The following CDH23 variants were observed in gnomAD, a reference collection of about 807,000 sequenced individuals.
CDH23 encodes cadherin related 23, also known as cadherin-23.
CDH23 carries 189 observed loss-of-function variants against 317.1 expected under a neutral mutation model. That is an observed-to-expected ratio of 0.60 (90% CI 0.53 to 0.67). CDH23 has a LOEUF of 0.67. Among genes scored for constraint, CDH23 ranks in the 30% least tolerant of loss-of-function variants. CDH23 has a pLI of 0.00. For missense variants in CDH23, 4,401 were observed against 4,592.4 expected, an observed-to-expected ratio of 0.96 and a Z score of 1.20; for synonymous variants, 1,839 against 1,876.8, an observed-to-expected ratio of 0.98 and a Z score of 0.52.
rs1589440938 is a variant in CDH23, at chr10:71,813,834, G to A, written c.9738+486G>A. On this transcript the variant is annotated intron_variant, in intron 69 of 69. Transcript: ENST00000224721. ...GAGGCAGGAGAATTGCTGGAACCCA[G>A]GAGGCGGAGGTTGAAGTGAACCAAG... Among the ~76,000 whole-genome samples, 3 of 152,168 alleles carry A rather than the reference G, an allele frequency of 2.0e-5. No individual in the cohort carries two copies. The South Asian group carries it at 6.2e-4, about 32-fold the overall frequency.
chr10:71,804,987 TATTA>T (rs553406156), intron 55 of CDH23, among the ~76,000 whole-genome samples: 28 of 152,348 alleles, frequency 1.8e-4, no homozygotes, highest in African/African-American at 6.3e-4. Flanking sequence ...AATCAGCATG[TATTA>T]ATTATCTATA....
rs199690992 is a variant in CDH23, at chr10:71,718,827, G to T, written c.3370-5218G>T. On this transcript the variant is annotated intron_variant, in intron 28 of 69. Coordinates refer to ENST00000224721, the MANE Select transcript of CDH23 (RefSeq NM_022124.6). The stretch of plus-strand genomic sequence containing the variant: ...CTCACCTGTAATCCCAGCACTTTGG[G>T]AGGCCAAGGCAGGAGGATCACTTGA... Among the ~76,000 whole-genome samples the T allele has an allele frequency of 1.4e-4, 21 of 152,240 alleles. No homozygotes were observed. In the East Asian group the frequency reaches 4.1e-3, roughly 29 times the overall value.
In CDH23 at chr10:71,677,638, A is replaced by C. The variant is rs1033089409; in HGVS notation, c.1697A>C (p.Tyr566Ser). Residue 566 changes from tyrosine to serine, a missense_variant, in exon 16 of 70, where the codon TAC (tyrosine) becomes TCC (serine). Transcript: ENST00000224721. ...DNVPTFQKDA[Y>S]VGALRENEPS... ...GTGCCCACCTTCCAGAAGGATGCCTACGTGGGTGCTCTGCGGGAGAACGAG... is the reference window on the plus strand; with the variant it reads ...GTGCCCACCTTCCAGAAGGATGCCTCCGTGGGTGCTCTGCGGGAGAACGAG... 1 of 1,592,348 alleles carries C rather than the reference A, an allele frequency of 6.3e-7. No individual in the cohort carries two copies. The highest frequency in any genetic ancestry group is 8.5e-7 in the Non-Finnish European group (1 of 1,169,750).
At chr10:71,802,498 G>A (rs1294956990) in intron 53 of CDH23, among the ~76,000 whole-genome samples, 1 of 152,142 alleles carries the variant, frequency 6.6e-6, no homozygotes, top group Non-Finnish European at 1.5e-5. Context: ...CTTGGGGAAT[G>A]GAGGAATGCC....
intron 1 of CDH23, among the ~76,000 whole-genome samples, chr10:71,403,334 T>C (rs71477541): frequency 0.25 from 11,575 of 45,432 alleles, 2,621 homozygotes; most frequent in African/African-American, 0.56. Flanking sequence ...TTCCTTTCTT[T>C]CTTTCTTTCT....
chr10:71,694,860 A>G (rs1318132208), intron 21 of CDH23, among the ~76,000 whole-genome samples: 3 of 152,122 alleles, frequency 2.0e-5, no homozygotes, highest in African/African-American at 4.8e-5. Flanking sequence ...CTCACCCTCA[A>G]AACTGTGGCC....
chr10:71,645,873 T>A lies in CDH23; in HGVS notation c.1183T>A (p.Ser395Thr), dbSNP rs1862823392. The A allele has an allele frequency of 6.2e-7, 1 of 1,613,036 alleles. No homozygotes were observed. Among genetic ancestry groups the A allele is most frequent in the Admixed American group, 1.7e-5 (1 of 59,938 alleles). Residue 395 changes from serine to threonine, a missense_variant, in exon 13 of 70, where the codon TCC becomes ACC. Physicochemically the swap from Ser to Thr is moderately conservative, Grantham distance 58 (BLOSUM62 1). Around this residue, in one of 3 missense-constraint regions of CDH23, gnomAD observed 3,068 missense variants for 3,203.3 expected, o/e 0.96. Transcript: ENST00000224721. ...MFEVYLVGNN[S>T]HHFIISPTSV... The stretch of plus-strand genomic sequence containing the variant: ...TGAGGTGTACTTGGTGGGGAACAAC[T>A]CCCACCACTTCATCATCTCCCCGAC...
At chr10:71,481,644 GA>G (rs1852071332) in intron 3 of CDH23, among the ~76,000 whole-genome samples, 1 of 152,204 alleles carries the variant, frequency 6.6e-6, no homozygotes, top group African/African-American at 2.4e-5. Context: ...GTCCAGGTAG[GA>G]AAGCTTTTAA....
At chr10:71,680,764 G>A (rs12220174) in intron 17 of CDH23, among the ~76,000 whole-genome samples, 44,846 of 62,114 alleles carry the variant, frequency 0.72, 14,954 homozygotes, top group South Asian at 0.84. Context: ...AAAAAAAAAA[G>A]AAAAAGAAAT....
chr10:71,660,242 G>A (rs988756195), intron 14 of CDH23, among the ~76,000 whole-genome samples: 10 of 152,012 alleles, frequency 6.6e-5, no homozygotes, highest in Non-Finnish European at 1.5e-4. Flanking sequence ...CACCGCGCCC[G>A]GCCTGACTCA....
At chr10:71,695,763 C>T (rs1337651508) in intron 22 of CDH23, among the ~76,000 whole-genome samples, 2 of 152,210 alleles carry the variant, frequency 1.3e-5, no homozygotes, top group Non-Finnish European at 2.9e-5. Flanking sequence ...TCAAAGGGAG[C>T]TTCAGGCAGC....
At chr10:71,682,349 T>C in intron 17 of CDH23, 96 bp from the exon 18 acceptor site, 1 of 1,498,904 alleles carries the variant, frequency 6.7e-7, no homozygotes, top group African/African-American at 1.4e-5. Context: ...GCCCGGGCCA[T>C]GCCAGCCATA....
At chr10:71,577,521 G>A (rs1858294529) in intron 8 of CDH23, among the ~76,000 whole-genome samples, 1 of 152,208 alleles carries the variant, frequency 6.6e-6, no homozygotes, top group African/African-American at 2.4e-5. Flanking sequence ...TATTAAGGTG[G>A]AGGGAAAGTG....
chr10:71,724,395 C>T (rs1395502737), intron 29 of CDH23, among the ~76,000 whole-genome samples: 1 of 152,164 alleles, frequency 6.6e-6, no homozygotes, highest in Non-Finnish European at 1.5e-5. Flanking sequence ...TGGGTTCAAG[C>T]GATTCTCCTG....
chr10:71,508,800 C>T (rs180808342), intron 3 of CDH23, among the ~76,000 whole-genome samples: 88 of 152,302 alleles, frequency 5.8e-4, no homozygotes, highest in Non-Finnish European at 1.2e-3. Flanking sequence ...ACATTGTCTT[C>T]GGAAAATGAC....
chr10:71,730,086 G>A (rs890922445), intron 30 of CDH23, among the ~76,000 whole-genome samples: 10 of 151,962 alleles, frequency 6.6e-5, no homozygotes, highest in East Asian at 1.9e-4. Flanking sequence ...TGCCCACCTC[G>A]GCCTCCCAAA....
At chr10:71,576,786 G>C (rs1188453633) in intron 8 of CDH23, among the ~76,000 whole-genome samples, 1 of 152,208 alleles carries the variant, frequency 6.6e-6, no homozygotes, top group African/African-American at 2.4e-5. Flanking sequence ...GCGACTCAGC[G>C]AGTGGTGGCG....
chr10:71,474,225 A>T lies in CDH23; in HGVS notation c.145+27830A>T, dbSNP rs929289140. On this transcript the variant is annotated intron_variant, in intron 3 of 69. Transcript: ENST00000224721. ...TGGCCTTCACCTCCAGGGAGCCCTCAGGGTGGGGCCAAAGGGAAAATCCCT... is the reference window on the plus strand; with the variant it reads ...TGGCCTTCACCTCCAGGGAGCCCTCTGGGTGGGGCCAAAGGGAAAATCCCT... 1.2e-4 allele frequency among the ~76,000 whole-genome samples: 18 copies of T among 152,174 alleles called. 1 individual carries two copies. The highest frequency in any genetic ancestry group is 8.5e-4 in the Admixed American group (13 of 15,282).
intron 8 of CDH23, among the ~76,000 whole-genome samples, chr10:71,574,687 C>T (rs567508029): frequency 6.4e-4 from 98 of 152,268 alleles, no homozygotes; most frequent in South Asian, 2.1e-4. Context: ...CCCAGCTGGG[C>T]TCCTGTGTCC....
Sources: allele counts gnomAD v4.1 joint callset (sites outside exome capture counted in the v4.1 genomes callset), GRCh38; gene constraint gnomAD v4.1.1; regional missense constraint gnomAD v4.1.1; transcripts MANE v1.5; gene names NCBI Gene and HGNC (gene_info 2026-07-23, HGNC 2026-07-21).